The following PSAT1 variants were observed in gnomAD, a reference collection of about 807,000 sequenced individuals.
PSAT1 encodes the protein phosphoserine aminotransferase.
A neutral mutation model predicts 40.3 loss-of-function variants in PSAT1; 41 were observed. That is an observed-to-expected ratio of 1.02 (90% CI 0.79 to 1.32). The LOEUF is 1.32. PSAT1 is among the 40% of genes most tolerant of loss of function. The probability of loss-of-function intolerance (pLI) is 0.00; values close to 1 mark genes in which losing one functional copy is unlikely to be tolerated. For missense variants in PSAT1, 406 were observed against 455.8 expected, an observed-to-expected ratio of 0.89 and a Z score of 0.99; for synonymous variants, 147 against 170.5, an observed-to-expected ratio of 0.86 and a Z score of 1.07.
At chr9:78,298,037 T>G (rs1357125700) in intron 1 of PSAT1, among the ~76,000 whole-genome samples, 2 of 151,988 alleles carry the variant, frequency 1.3e-5, no homozygotes, top group Non-Finnish European at 2.9e-5. Context: ...TTTGGGCTGC[T>G]TAACCCAATT....
chr9:78,312,469 G>A (rs1369433987), intron 6 of PSAT1, among the ~76,000 whole-genome samples: 1 of 151,698 alleles, frequency 6.6e-6, no homozygotes. Flanking sequence ...GTCGAGGCAG[G>A]TGGATCACCT....
intron 6 of PSAT1, among the ~76,000 whole-genome samples, 196 bp from the exon 7 acceptor site, chr9:78,317,480 G>A (rs1200927915): frequency 6.6e-6 from 1 of 152,216 alleles, no homozygotes; most frequent in African/African-American, 2.4e-5. Flanking sequence ...CCAACTCCTG[G>A]CTTCAAGCGA....
At chr9:78,308,974 GCAAA>G (rs929622664) in intron 6 of PSAT1, among the ~76,000 whole-genome samples, 2 of 151,984 alleles carry the variant, frequency 1.3e-5, no homozygotes, top group Non-Finnish European at 1.5e-5. Flanking sequence ...AAATAAATAA[GCAAA>G]CAAACAAACA....
At chr9:78,324,966 T>G (rs915116578) in intron 7 of PSAT1, among the ~76,000 whole-genome samples, 3 of 151,954 alleles carry the variant, frequency 2.0e-5, no homozygotes, top group African/African-American at 7.2e-5. Flanking sequence ...GCTTTTTTTT[T>G]GTTTGTTTCC....
intron 1 of PSAT1, among the ~76,000 whole-genome samples, chr9:78,299,144 C>CAAAAAAAAA (rs71360679): frequency 2.3e-5 from 2 of 87,308 alleles, no homozygotes; most frequent in African/African-American, 4.6e-5. Context: ...TGTCTCTTAA[C>CAAAAAAAAA]AAAAAAAAAA....
intron 1 of PSAT1, among the ~76,000 whole-genome samples, chr9:78,298,659 A>G (rs1302799441): frequency 1.3e-5 from 2 of 152,120 alleles, no homozygotes; most frequent in African/African-American, 4.8e-5. Context: ...TGTCATCAGT[A>G]ATACAATTAT....
chr9:78,317,717 A>G lies in PSAT1; in HGVS notation c.782A>G (p.Asn261Ser). 1.2e-6 allele frequency: 2 copies of G among 1,613,882 alleles called. No individual in the cohort carries two copies. The highest frequency in any genetic ancestry group is 8.5e-7 in the Non-Finnish European group (1 of 1,179,834). ...MGLVLEWIKN[N>S]GGAAAMEKLS... Reference sequence around the variant, plus strand: ...TTGGTTCTGGAGTGGATTAAAAACAATGGAGGTGCCGCGGCCATGGAGAAG... The same window carrying G: ...TTGGTTCTGGAGTGGATTAAAAACAGTGGAGGTGCCGCGGCCATGGAGAAG... Residue 261 changes from asparagine to serine, a missense_variant, in exon 7 of 9, where the codon AAT (asparagine) becomes AGT (serine). Asn to Ser is a conservative substitution (Grantham distance 46). Coordinates refer to ENST00000376588, the MANE Select transcript of PSAT1 (RefSeq NM_058179.4).
At chr9:78,309,341 T>C (rs1047864699) in intron 6 of PSAT1, among the ~76,000 whole-genome samples, 13 of 152,216 alleles carry the variant, frequency 8.5e-5, no homozygotes, top group Admixed American at 3.3e-4. Context: ...CAGAACATAC[T>C]GGCTTAAATA....
At chr9:78,312,661 A>G (rs1451876290) in intron 6 of PSAT1, among the ~76,000 whole-genome samples, 3 of 152,172 alleles carry the variant, frequency 2.0e-5, no homozygotes, top group Non-Finnish European at 4.4e-5. Flanking sequence ...GTGCCATTGC[A>G]CTCCAGCCTG....
At chr9:78,318,844 C>T (rs1828387817) in intron 7 of PSAT1, among the ~76,000 whole-genome samples, 2 of 152,212 alleles carry the variant, frequency 1.3e-5, no homozygotes, top group Non-Finnish European at 2.9e-5. Context: ...ATTCAATCCA[C>T]AACAATAGGC....
intron 7 of PSAT1, among the ~76,000 whole-genome samples, chr9:78,325,788 T>C (rs1423984518): frequency 6.6e-6 from 1 of 152,238 alleles, no homozygotes; most frequent in African/African-American, 2.4e-5. Flanking sequence ...AAATATTTGT[T>C]GCATGACAAT....
At chr9:78,306,219 T>A (rs1828180293) in intron 4 of PSAT1, 95 bp from the exon 5 acceptor site, 2 of 1,336,628 alleles carry the variant, frequency 1.5e-6, no homozygotes, top group African/African-American at 1.4e-5. Flanking sequence ...CTTTCCCTGC[T>A]AGGGGAGGCC....
Position 78,302,037 on chromosome 9 carries a change from A to G in PSAT1, c.191+14A>G, listed in dbSNP as rs1312111434. 6.3e-7 allele frequency: 1 copy of G among 1,575,572 alleles called. No homozygotes were observed. Among genetic ancestry groups the G allele is most frequent in the South Asian group, 1.1e-5 (1 of 90,254 alleles). ...GCGGGAATTGCTGTAAGTTTTAAAA[A>G]GACCAAATCATGTTACTTTTGTTAG... On this transcript the variant is annotated intron_variant, in intron 3 of 8. Transcript: ENST00000376588.
chr9:78,326,435 G>A (rs1235261369), intron 7 of PSAT1, among the ~76,000 whole-genome samples: 1 of 151,956 alleles, frequency 6.6e-6, no homozygotes, highest in Non-Finnish European at 1.5e-5. Context: ...AGTCAAACAC[G>A]AACCTTTCCT....
chr9:78,325,402 C>T (rs544306241), intron 7 of PSAT1, among the ~76,000 whole-genome samples: 1 of 152,236 alleles, frequency 6.6e-6, no homozygotes, highest in South Asian at 2.1e-4. Context: ...GTCCAGTTCC[C>T]AGCAGGGCAC....
rs553502763 is a variant in PSAT1, at chr9:78,308,593, G to A, written c.740+10G>A. 7 of 1,613,818 alleles carry A rather than the reference G, an allele frequency of 4.3e-6. No homozygotes were observed. The African/African-American group carries it at 8.0e-5, about 18-fold the overall frequency. On this transcript the variant is annotated intron_variant, in intron 6 of 8. Coordinates refer to ENST00000376588, the MANE Select transcript of PSAT1 (RefSeq NM_058179.4). ...CGCCTCCATGTTTCAGGTAACTCTG[G>A]GAGTCAGTCTTGTGGACCCAGGGAG...
chr9:78,314,516 G>C (rs1828313121), intron 6 of PSAT1, among the ~76,000 whole-genome samples: 1 of 151,942 alleles, frequency 6.6e-6, no homozygotes, highest in Non-Finnish European at 1.5e-5. Flanking sequence ...CAGAGGGCTG[G>C]GTGGGAGGGG....
At chr9:78,305,055 AT>A (rs1828162164) in intron 4 of PSAT1, 115 bp downstream of exon 4, 1 of 933,354 alleles carries the variant, frequency 1.1e-6, no homozygotes, top group Non-Finnish European at 1.7e-6. Flanking sequence ...GTTCATTACC[AT>A]TTAGATTGGG....
rs747711253 is a variant in PSAT1 at position 78,317,748 on chromosome 9, C to T, written c.813C>T (p.Ser271=). The change falls in exon 7 of 9, where the codon AGC becomes AGT. Residue 271 remains serine (S), a synonymous_variant. Transcript: ENST00000376588. ...GTGCCGCGGCCATGGAGAAGCTTAG[C>T]TCCATCAAATCTCAAACAATTTATG... ...NGGAAAMEKL[S]SIKSQTIYEI... 9.3e-6 allele frequency: 15 copies of T among 1,613,454 alleles called. No individual in the cohort carries two copies. The Admixed American group carries it at 2.3e-4, about 25-fold the overall frequency.
Sources: allele counts gnomAD v4.1 joint callset (sites outside exome capture counted in the v4.1 genomes callset), GRCh38; gene constraint gnomAD v4.1.1; transcripts MANE v1.5; gene names NCBI Gene and HGNC (gene_info 2026-07-23, HGNC 2026-07-21).